Variants in ABCG4 observed in about 807,000 individuals in gnomAD.
The protein encoded by ABCG4 is ATP-binding cassette sub-family G member 4.
A neutral mutation model predicts 64.6 loss-of-function variants in ABCG4; 35 were observed. The observed-to-expected ratio is 0.54, with a 90% CI of 0.41 to 0.72. The LOEUF (loss-of-function observed/expected upper bound fraction) is 0.72. Among genes scored for constraint, ABCG4 ranks in the 30% least tolerant of loss-of-function variants. The pLI is 0.00. For synonymous variants in ABCG4, 326 were observed against 348.2 expected (o/e 0.94, Z 0.71); for missense variants, 610 against 846.3 (o/e 0.72, Z 3.46).
At chr11:119,157,684 G>A (rs899484883) in intron 9 of ABCG4, among the ~76,000 whole-genome samples, 3 of 152,166 alleles carry the variant, frequency 2.0e-5, no homozygotes, top group African/African-American at 4.8e-5. Context: ...TGGCTAACAC[G>A]GTGAAACCCC....
chr11:119,156,248 A>G lies in ABCG4; in HGVS notation c.687-81A>G. ...TTCCTGCCAGCTTCATCCCCTTCAC[A>G]GCAGCTGCCCCGCCCCAGACACTCC... On this transcript the variant is annotated intron_variant, in intron 6 of 14. Coordinates refer to ENST00000619701, the MANE Select transcript of ABCG4 (RefSeq NM_022169.5). This position sits in a 1 kb window ranked among gnomAD's most constrained non-coding sequence, Gnocchi z 5.5. 1.3e-6 allele frequency: 2 copies of G among 1,589,072 alleles called. No individual in the cohort carries two copies. The highest frequency in any genetic ancestry group is 1.7e-6 in the Non-Finnish European group (2 of 1,162,174).
rs1195565008 is a variant in ABCG4, at chr11:119,156,390, G to A, written c.748G>A (p.Gly250Ser). 3 of 1,614,022 alleles carry A rather than the reference G, an allele frequency of 1.9e-6. No individual in the cohort carries two copies. Among genetic ancestry groups the A allele is most frequent in the Admixed American group, 3.3e-5 (2 of 59,992 alleles). ...VSLMKSLAQG[G>S]RTIICTIHQP... ...CCTCATGAAGTCCCTGGCACAGGGG[G>A]GCCGTACCATCATCTGCACCATCCA... is the stretch of plus-strand genomic sequence containing the variant. The change falls in exon 7 of 15, where the codon GGC becomes AGC. Residue 250 changes from glycine (G) to serine (S), a missense_variant. Coordinates refer to ENST00000619701, the MANE Select transcript of ABCG4 (RefSeq NM_022169.5). The surrounding 1 kb of genome is among the most constrained non-coding windows in gnomAD (Gnocchi z 5.5).
chr11:119,153,837 CG>C (rs1948225196), intron 2 of ABCG4, 188 bp from the exon 3 acceptor site: 1 of 608,600 alleles, frequency 1.6e-6, no homozygotes, highest in South Asian at 2.0e-5. Context: ...TAGTGGTGGT[CG>C]TTTCTAGGGG....
rs745424174 is a variant in ABCG4, at chr11:119,160,218, A to G, written c.1438-9A>G. The G allele has an allele frequency of 1.9e-6, 3 of 1,602,036 alleles. No individual in the cohort carries two copies. Among genetic ancestry groups the G allele is most frequent in the Admixed American group, 3.4e-5 (2 of 59,634 alleles). ...GAAGTCCACTGTCCAGCCCGTGCCC[A>G]CTCCCCAGGTGGTGTGTCCGGTGGT... On this transcript the variant is annotated splice_polypyrimidine_tract_variant and intron_variant, in intron 12 of 14. Coordinates refer to ENST00000619701, the MANE Select transcript of ABCG4 (RefSeq NM_022169.5). The surrounding 1 kb of genome is among the most constrained non-coding windows in gnomAD (Gnocchi z 4.6).
Position 119,160,465 on chromosome 11 carries a change from G to A in ABCG4, c.1597-73G>A, listed in dbSNP as rs1362408991. 1 of 1,608,774 alleles carries A rather than the reference G, an allele frequency of 6.2e-7. No homozygotes were observed. The highest frequency in any genetic ancestry group is 1.7e-5 in the Admixed American group (1 of 59,918). On this transcript the variant is annotated intron_variant, in intron 13 of 14. Transcript: ENST00000619701. This position sits in a 1 kb window ranked among gnomAD's most constrained non-coding sequence, Gnocchi z 4.6. ...AAGCAGGGCCTGGTGCAAGGGTTAG[G>A]GTGGAGCTCTAGGAAACCTGGGTTT... is the stretch of plus-strand genomic sequence containing the variant.
Position 119,161,562 on chromosome 11 carries a change from G to A in ABCG4, c.*456G>A, listed in dbSNP as rs1333441256. The A allele has an allele frequency of 6.2e-6, 1 of 160,928 alleles. No homozygotes were observed. The highest frequency in any genetic ancestry group is 1.4e-5 in the Non-Finnish European group (1 of 72,808). The allele number at this position is 160,928 out of a possible 1,614,324, so 10.0% of individuals were successfully genotyped here. Reference sequence around the variant, plus strand: ...GTTGGAGTTCCAGGGCTGGGCCCTGGTGGAGTCCACTGGAAGTCCCATTAT... The same window carrying A: ...GTTGGAGTTCCAGGGCTGGGCCCTGATGGAGTCCACTGGAAGTCCCATTAT... On this transcript the variant is annotated 3_prime_UTR_variant, in exon 15 of 15. Coordinates refer to ENST00000619701, the MANE Select transcript of ABCG4 (RefSeq NM_022169.5).
Position 119,154,686 on chromosome 11 carries a change from A to T in ABCG4, c.541-84A>T. The stretch of plus-strand genomic sequence containing the variant: ...GGCCTAGGCCGAGACAATGCACTTA[A>T]GGGAGATGCTTTTTGAAGCTGGGGT... On this transcript the variant is annotated intron_variant, in intron 5 of 14. Coordinates refer to ENST00000619701, the MANE Select transcript of ABCG4 (RefSeq NM_022169.5). This position sits in a 1 kb window ranked among gnomAD's most constrained non-coding sequence, Gnocchi z 7.0. The T allele has an allele frequency of 6.3e-7, 1 of 1,588,328 alleles. No homozygotes were observed. Among genetic ancestry groups the T allele is most frequent in the South Asian group, 1.1e-5 (1 of 88,030 alleles).
chr11:119,149,816 C>A lies in ABCG4; in HGVS notation c.-12-138C>A. ...CCGTGCGGAGAGTGGGGGGCGGGGG[C>A]AGAGTGCGGGGCTAACAGTCGCGGA... On this transcript the variant is annotated intron_variant, in intron 1 of 14. Coordinates refer to ENST00000619701, the MANE Select transcript of ABCG4 (RefSeq NM_022169.5). This position sits in a 1 kb window ranked among gnomAD's most constrained non-coding sequence, Gnocchi z 8.3. 1 of 1,315,528 alleles carries A rather than the reference C, an allele frequency of 7.6e-7. No homozygotes were observed. The highest frequency in any genetic ancestry group is 1.0e-6 in the Non-Finnish European group (1 of 986,888). The allele number at this position is 1,315,528 out of a possible 1,614,324, so 81.5% of individuals were successfully genotyped here.
rs1280470018 is a variant in ABCG4 at position 119,156,117 on chromosome 11, A to G, written c.687-212A>G. 5 of 593,032 alleles carry G rather than the reference A, an allele frequency of 8.4e-6. No individual in the cohort carries two copies. The African/African-American group carries it at 9.3e-5, about 11-fold the overall frequency. 36.7% of individuals were successfully genotyped at this position (593,032 alleles called of 1,614,324 possible). A position where few individuals can be genotyped will look rare whatever the true frequency, so the allele number is the denominator to read the frequency against. ...TTGTAATCCCAGTGCCTGGCATACA[A>G]CAGGTCCTCAATATATGCTTATGAA... is the stretch of plus-strand genomic sequence containing the variant. On this transcript the variant is annotated intron_variant, in intron 6 of 14. Transcript: ENST00000619701. The surrounding 1 kb of genome is among the most constrained non-coding windows in gnomAD (Gnocchi z 5.5).
chr11:119,156,112 A>G lies in ABCG4; in HGVS notation c.687-217A>G. Reference sequence around the variant, plus strand: ...CATCATTGTAATCCCAGTGCCTGGCATACAACAGGTCCTCAATATATGCTT... The same window carrying G: ...CATCATTGTAATCCCAGTGCCTGGCGTACAACAGGTCCTCAATATATGCTT... On this transcript the variant is annotated intron_variant, in intron 6 of 14. Coordinates refer to ENST00000619701, the MANE Select transcript of ABCG4 (RefSeq NM_022169.5). The surrounding 1 kb of genome is among the most constrained non-coding windows in gnomAD (Gnocchi z 5.5). 8.6e-6 allele frequency: 5 copies of G among 580,968 alleles called. No individual in the cohort carries two copies. Among genetic ancestry groups the G allele is most frequent in the Non-Finnish European group, 1.5e-5 (5 of 326,712 alleles). The allele number at this position is 580,968 out of a possible 1,614,324, so 36.0% of individuals were successfully genotyped here.
In ABCG4 at chr11:119,160,315, T is replaced by C. The variant is rs1385693209; in HGVS notation, c.1526T>C (p.Leu509Pro). Residue 509 changes from leucine to proline, a missense_variant, in exon 13 of 15, where the codon CTG (leucine) becomes CCG (proline). Physicochemically the swap from Leu to Pro is moderately conservative, Grantham distance 98. Transcript: ENST00000619701. This position sits in a 1 kb window ranked among gnomAD's most constrained non-coding sequence, Gnocchi z 4.6. The part of the protein sequence containing the change: ...ETSRFLLFSA[L>P]ATATALVAQS... ...AGCCGCTTCCTGCTCTTCTCAGCCC[T>C]GGCCACCGCCACCGCCTTGGTGGCC... 2 of 1,613,502 alleles carry C rather than the reference T, an allele frequency of 1.2e-6. No individual in the cohort carries two copies. The highest frequency in any genetic ancestry group is 2.7e-5 in the African/African-American group (2 of 74,932).
rs186746971 is a variant in ABCG4 at position 119,157,150 on chromosome 11, A to C, written c.1068+136A>C. On this transcript the variant is annotated intron_variant, in intron 9 of 14. Transcript: ENST00000619701. ...TGCTAGGAAGAACCTAGGACTTGGA[A>C]TCGACCTACTAGGAACAGCACTGTG... The C allele has an allele frequency of 5.8e-5, 70 of 1,216,878 alleles. 1 individual carries two copies. In the Admixed American group the frequency reaches 1.4e-3, roughly 24 times the overall value. 75.4% of individuals were successfully genotyped at this position (1,216,878 alleles called of 1,614,324 possible). A position where few individuals can be genotyped will look rare whatever the true frequency, so the allele number is the denominator to read the frequency against.
chr11:119,152,705 A>G (rs1948208619), intron 2 of ABCG4, among the ~76,000 whole-genome samples: 2 of 152,256 alleles, frequency 1.3e-5, no homozygotes, highest in South Asian at 4.2e-4. Context: ...GAGTGTATAT[A>G]CACATACTTT....
chr11:119,153,769 A>T (rs1948223341), intron 2 of ABCG4: 1 of 479,684 alleles, frequency 2.1e-6, no homozygotes, highest in Non-Finnish European at 3.8e-6. Flanking sequence ...CATCCATGAG[A>T]TGTGTGGATT....
Position 119,160,588 on chromosome 11 carries a change from C to T in ABCG4, c.1647C>T (p.Ser549=), listed in dbSNP as rs371380663. ...PVTAIPVLLF[S]GFFVSFKTIP... ...CCGCCATCCCTGTCCTCTTGTTCTC[C>T]GGCTTCTTTGTCAGCTTCAAGACCA... The change falls in exon 14 of 15, where the codon TCC becomes TCT. Residue 549 remains serine (S), a synonymous_variant. Transcript: ENST00000619701. The surrounding 1 kb of genome is among the most constrained non-coding windows in gnomAD (Gnocchi z 4.6). The T allele has an allele frequency of 4.0e-5, 65 of 1,612,980 alleles. No individual in the cohort carries two copies. The highest frequency in any genetic ancestry group is 3.6e-4 in the South Asian group (33 of 91,086).
Position 119,160,414 on chromosome 11 carries a change from A to C in ABCG4, c.1596+29A>C, listed in dbSNP as rs560861780. Reference sequence around the variant, plus strand: ...GGAGGGCTGGCAGTTGGGAATTCCCAAGGCGGGATGAGGTCTTGTGGGAGG... The same window carrying C: ...GGAGGGCTGGCAGTTGGGAATTCCCCAGGCGGGATGAGGTCTTGTGGGAGG... On this transcript the variant is annotated intron_variant, in intron 13 of 14. Coordinates refer to ENST00000619701, the MANE Select transcript of ABCG4 (RefSeq NM_022169.5). This position sits in a 1 kb window ranked among gnomAD's most constrained non-coding sequence, Gnocchi z 4.6. 1.2e-6 allele frequency: 2 copies of C among 1,603,720 alleles called. No individual in the cohort carries two copies. Among genetic ancestry groups the C allele is most frequent in the African/African-American group, 2.7e-5 (2 of 74,830 alleles).
At position 119,160,933 on chromosome 11, in the gene ABCG4, C is replaced by T; in HGVS notation, c.1768C>T (p.Leu590=). 3.1e-6 allele frequency: 5 copies of T among 1,614,052 alleles called. No homozygotes were observed. The highest frequency in any genetic ancestry group is 3.4e-6 in the Non-Finnish European group (4 of 1,179,970). ...GATCTATGGCATGGAGCGAGGAGAC[C>T]TGACATGTTTAGAGGAACGCTGCCC... ...LTIYGMERGD[L]TCLEERCPFR... The change falls in exon 15 of 15, where the codon CTG becomes TTG. Residue 590 remains leucine, a synonymous_variant. Transcript: ENST00000619701. The surrounding 1 kb of genome is among the most constrained non-coding windows in gnomAD (Gnocchi z 4.6).
At position 119,161,272 on chromosome 11, in the gene ABCG4, G is replaced by T; in HGVS notation, c.*166G>T. 3.2e-6 allele frequency: 2 copies of T among 632,842 alleles called. No individual in the cohort carries two copies. Among genetic ancestry groups the T allele is most frequent in the South Asian group, 4.0e-5 (2 of 50,148 alleles). 39.2% of individuals were successfully genotyped at this position (632,842 alleles called of 1,614,324 possible). On this transcript the variant is annotated 3_prime_UTR_variant, in exon 15 of 15. Transcript: ENST00000619701. ...GCTGTCGGACTGCGCTCCCAGCCTG[G>T]GCTCTGGGAGTGGGGGCTCCAGCCC...
Position 119,160,614 on chromosome 11 carries a change from T to C in ABCG4, c.1673T>C (p.Ile558Thr). 1 of 1,613,572 alleles carries C rather than the reference T, an allele frequency of 6.2e-7. No individual in the cohort carries two copies. The highest frequency in any genetic ancestry group is 8.5e-7 in the Non-Finnish European group (1 of 1,179,930). The change falls in exon 14 of 15, where the codon ATC (isoleucine) becomes ACC (threonine). Residue 558 changes from isoleucine to threonine, a missense_variant. Transcript: ENST00000619701. This position sits in a 1 kb window ranked among gnomAD's most constrained non-coding sequence, Gnocchi z 4.6. ...FSGFFVSFKT[I>T]PTYLQWSSYL... ...GGCTTCTTTGTCAGCTTCAAGACCATCCCCACTTACCTGCAATGGAGCTCC... is the reference window on the plus strand; with the variant it reads ...GGCTTCTTTGTCAGCTTCAAGACCACCCCCACTTACCTGCAATGGAGCTCC...
Sources: allele counts gnomAD v4.1 joint callset (sites outside exome capture counted in the v4.1 genomes callset), GRCh38; gene constraint gnomAD v4.1.1; non-coding constraint Gnocchi (gnomAD v3.1); transcripts MANE v1.5; gene names NCBI Gene and HGNC (gene_info 2026-07-23, HGNC 2026-07-21).